The following DNAJC13 variants were observed in gnomAD, a reference collection of about 807,000 sequenced individuals.
DNAJC13 encodes the protein DnaJ heat shock protein family (Hsp40) member C13.
In DNAJC13, 75 loss-of-function variants were observed where a neutral mutation model predicts 290.5. The ratio of observed to expected loss-of-function variants is 0.26; its 90% CI spans 0.21 to 0.31. The LOEUF is 0.31. Among genes scored for constraint, DNAJC13 ranks in the 10% least tolerant of loss-of-function variants. DNAJC13 has a pLI of 1.00. For synonymous variants in DNAJC13, 862 were observed against 892.0 expected (o/e 0.97, Z 0.60); for missense variants, 2,260 against 2,674.5 (o/e 0.85, Z 3.42).
intron 5 of DNAJC13, among the ~76,000 whole-genome samples, chr3:132,450,203 T>A (rs1164358813): frequency 3.9e-5 from 6 of 151,938 alleles, no homozygotes; most frequent in Non-Finnish European, 8.8e-5. Flanking sequence ...ACTGAGGCGG[T>A]TCAGGTTGTT....
At position 132,523,042 on chromosome 3, in the gene DNAJC13, C is replaced by T. The variant is rs761958014; in HGVS notation, c.5843+45C>T. ...ATAATTTATAGCCTTTAAATAAAAT[C>T]ACTGGGAAGGGCAAACATTTCTTAC... On this transcript the variant is annotated intron_variant, in intron 49 of 55. Transcript: ENST00000260818. 10 of 1,600,428 alleles carry T rather than the reference C, an allele frequency of 6.2e-6. No homozygotes were observed. In the South Asian group the frequency reaches 1.1e-4, roughly 18 times the overall value.
Position 132,466,071 on chromosome 3 carries a change from G to T in DNAJC13, c.1968+1G>T. 6.2e-7 allele frequency: 1 copy of T among 1,613,144 alleles called. No homozygotes were observed. Among genetic ancestry groups the T allele is most frequent in the Non-Finnish European group, 8.5e-7 (1 of 1,179,184 alleles). ...AACAAACTTGTTGAAACGCATTTTG[G>T]TAAGTCAGTTGAGAAATTAGGTTAT... On this transcript the variant is annotated splice_donor_variant, in intron 18 of 55. Coordinates refer to ENST00000260818, the MANE Select transcript of DNAJC13 (RefSeq NM_015268.4). LOFTEE classifies it high-confidence loss of function.
At chr3:132,460,827 T>C (rs981354736) in intron 14 of DNAJC13, among the ~76,000 whole-genome samples, 3 of 151,492 alleles carry the variant, frequency 2.0e-5, no homozygotes, top group African/African-American at 7.4e-5. Flanking sequence ...CTCTTGAAAT[T>C]TGAATTTTAA....
In DNAJC13 at chr3:132,503,989, AAG is replaced by A. The variant is rs1491087295; in HGVS notation, c.4884+611_4884+612del. Among the ~76,000 whole-genome samples, 5 of 152,038 alleles carry A rather than the reference AAG, an allele frequency of 3.3e-5. No homozygotes were observed. The South Asian group carries it at 6.2e-4, about 19-fold the overall frequency. ...ATTATCCTTTAATTATAAAAAAAAAAAGAGTACTAAAAGACATTAAAATAAAT... is the reference window on the plus strand; with the variant it reads ...ATTATCCTTTAATTATAAAAAAAAAAAGTACTAAAAGACATTAAAATAAAT... On this transcript the variant is annotated intron_variant, in intron 41 of 55. Transcript: ENST00000260818.
chr3:132,468,144 G>A (rs557936569), intron 20 of DNAJC13, among the ~76,000 whole-genome samples: 3 of 152,304 alleles, frequency 2.0e-5, no homozygotes, highest in African/African-American at 4.8e-5. Flanking sequence ...AGCATGCAGT[G>A]TGTTCTACAG....
Position 132,492,571 on chromosome 3 carries a change from CTG to C in DNAJC13, c.3786_3787del (p.Cys1262Ter). Reference sequence around the variant, plus strand: ...TTGTAATATTTATTACCTCAAACAACTGTGTGATACACTCCGGTTTCCAGATT... The same window carrying C: ...TTGTAATATTTATTACCTCAAACAACTGTGATACACTCCGGTTTCCAGATT... ...LFCNIYYLKQ[L>X]CDTLRFPDWP... On this transcript the variant is annotated frameshift_variant, in exon 33 of 56. Transcript: ENST00000260818. LOFTEE classifies it high-confidence loss of function. 1 of 1,613,750 alleles carries C rather than the reference CTG, an allele frequency of 6.2e-7. No homozygotes were observed. The highest frequency in any genetic ancestry group is 8.5e-7 in the Non-Finnish European group (1 of 1,179,760).
intron 1 of DNAJC13, among the ~76,000 whole-genome samples, chr3:132,423,823 A>G (rs1214469699): frequency 6.6e-6 from 1 of 152,224 alleles, no homozygotes; most frequent in African/African-American, 2.4e-5. Flanking sequence ...TGTATGTGTT[A>G]AAAGCTTAGG....
chr3:132,508,899 A>G (rs1288439833), intron 43 of DNAJC13, among the ~76,000 whole-genome samples: 2 of 152,268 alleles, frequency 1.3e-5, no homozygotes, highest in African/African-American at 2.4e-5. Context: ...CCTACTGCTC[A>G]GGAAAAAAAG....
chr3:132,437,428 C>T (rs1258116048), intron 2 of DNAJC13, among the ~76,000 whole-genome samples: 1 of 152,176 alleles, frequency 6.6e-6, no homozygotes, highest in Non-Finnish European at 1.5e-5. Context: ...CCCAAGCTAA[C>T]AAAGATTTAC....
At chr3:132,525,349 C>T (rs1227019891) in intron 51 of DNAJC13, among the ~76,000 whole-genome samples, 2 of 152,050 alleles carry the variant, frequency 1.3e-5, no homozygotes, top group African/African-American at 4.8e-5. Context: ...TCAAAAAAAA[C>T]CTGCAATAGA....
At chr3:132,530,780 G>T (rs1277595826) in intron 54 of DNAJC13, among the ~76,000 whole-genome samples, 2 of 152,188 alleles carry the variant, frequency 1.3e-5, no homozygotes, top group East Asian at 3.8e-4. Flanking sequence ...CAGCTTCAGA[G>T]GGACGACTGA....
intron 48 of DNAJC13, among the ~76,000 whole-genome samples, chr3:132,518,444 C>G (rs1305558529): frequency 1.3e-5 from 2 of 152,154 alleles, no homozygotes; most frequent in African/African-American, 4.8e-5. Context: ...CCTCTGTCTC[C>G]CAGACTCAAG....
Position 132,460,345 on chromosome 3 carries a change from T to A in DNAJC13, c.1545T>A (p.Phe515Leu), listed in dbSNP as rs376894390. Residue 515 changes from phenylalanine (F) to leucine (L), a missense_variant, in exon 14 of 56, where the codon TTT becomes TTA. Around this residue, in one of 3 missense-constraint regions of DNAJC13, gnomAD observed 762 missense variants for 964.1 expected, o/e 0.79. Transcript: ENST00000260818. The part of the protein sequence containing the change: ...KKFLENLLEK[F>L]NSHVDHGTGA... ...TTCTGGAAAACTTACTGGAGAAATT[T>A]AATTCCCATGTGGTAAGTTATAATT... is the stretch of plus-strand genomic sequence containing the variant. 1 of 1,602,528 alleles carries A rather than the reference T, an allele frequency of 6.2e-7. No homozygotes were observed. The highest frequency in any genetic ancestry group is 1.7e-5 in the Admixed American group (1 of 59,912).
At chr3:132,420,180 T>C (rs945201720) in intron 1 of DNAJC13, among the ~76,000 whole-genome samples, 2 of 152,172 alleles carry the variant, frequency 1.3e-5, no homozygotes, top group African/African-American at 2.4e-5. Flanking sequence ...CAAACTCTTA[T>C]CCACAAACCT....
At chr3:132,478,524 A>G (rs899025606) in intron 24 of DNAJC13, among the ~76,000 whole-genome samples, 2 of 152,250 alleles carry the variant, frequency 1.3e-5, no homozygotes, top group African/African-American at 2.4e-5. Context: ...GTGTGAAGAT[A>G]GTAAAAACCT....
intron 42 of DNAJC13, among the ~76,000 whole-genome samples, chr3:132,506,748 C>T (rs987647702): frequency 2.0e-5 from 3 of 151,768 alleles, no homozygotes; most frequent in Admixed American, 2.0e-4. Flanking sequence ...AACAGGGTTT[C>T]ACCATGTTGG....
chr3:132,475,236 C>T, intron 22 of DNAJC13, 151 bp downstream of exon 22: 1 of 513,848 alleles, frequency 1.9e-6, no homozygotes, highest in Non-Finnish European at 3.0e-6. Flanking sequence ...AAACTTTAAT[C>T]TGTGTGTCAG....
rs1576532002 is a variant in DNAJC13 at position 132,538,366 on chromosome 3, T to C, written c.*84T>C. The C allele has an allele frequency of 3.0e-6, 3 of 1,013,372 alleles. No homozygotes were observed. The highest frequency in any genetic ancestry group is 4.5e-6 in the Non-Finnish European group (3 of 672,080). 62.8% of individuals were successfully genotyped at this position (1,013,372 alleles called of 1,614,324 possible). A position where few individuals can be genotyped will look rare whatever the true frequency, so the allele number is the denominator to read the frequency against. The stretch of plus-strand genomic sequence containing the variant: ...CTGATACGTTGAAGCAAACTCTTAC[T>C]GCCTTTCTCCTGGTTTCATGACAGT... On this transcript the variant is annotated 3_prime_UTR_variant, in exon 56 of 56. Transcript: ENST00000260818.
At chr3:132,522,271 T>C (rs1936114839) in intron 48 of DNAJC13, among the ~76,000 whole-genome samples, 1 of 152,218 alleles carries the variant, frequency 6.6e-6, no homozygotes, top group South Asian at 2.1e-4. Context: ...TCACATGAAT[T>C]TTCATTTTGT....
Sources: gnomAD v4.1 joint callset for allele counts (sites outside exome capture counted in the v4.1 genomes callset) on GRCh38, gnomAD v4.1.1 for gene constraint, gnomAD v4.1.1 regional missense constraint, MANE v1.5 for transcripts, NCBI Gene and HGNC (gene_info 2026-07-23, HGNC 2026-07-21) for gene names.